Variants in BBS9 observed in about 807,000 individuals in gnomAD.
BBS9 encodes Bardet-Biedl syndrome 9, also known as protein PTHB1.
BBS9 carries 89 observed loss-of-function variants against 117.7 expected under a neutral mutation model. That is an observed-to-expected ratio of 0.76 (90% CI 0.64 to 0.90). The LOEUF is 0.90. BBS9 is among the 40% of genes least tolerant of loss of function. BBS9 has a pLI of 0.00. For missense variants in BBS9, 982 were observed against 1,042.2 expected, an observed-to-expected ratio of 0.94 and a Z score of 0.80; for synonymous variants, 379 against 370.9, an observed-to-expected ratio of 1.02 and a Z score of -0.25.
At chr7:33,315,458 A>G (rs1334552384) in intron 9 of BBS9, among the ~76,000 whole-genome samples, 2 of 152,166 alleles carry the variant, frequency 1.3e-5, no homozygotes, top group Admixed American at 6.6e-5. Context: ...GCAAGCCACA[A>G]AGTCAGTCCA....
intron 19 of BBS9, among the ~76,000 whole-genome samples, chr7:33,399,119 G>C (rs1354633414): frequency 6.6e-6 from 1 of 152,182 alleles, no homozygotes; most frequent in Non-Finnish European, 1.5e-5. Context: ...CACATTTCAA[G>C]TGTGAATTAG....
intron 9 of BBS9, among the ~76,000 whole-genome samples, chr7:33,275,679 T>C (rs1307092648): frequency 6.6e-6 from 1 of 152,188 alleles, no homozygotes; most frequent in Non-Finnish European, 1.5e-5. Context: ...AGGAGAATGA[T>C]GGGTAGAAAG....
chr7:33,526,444 A>G lies in BBS9; in HGVS notation c.2299-7510A>G, dbSNP rs1005024327. Among the ~76,000 whole-genome samples the G allele has an allele frequency of 7.9e-5, 12 of 151,932 alleles. No individual in the cohort carries two copies. In the East Asian group the frequency reaches 1.6e-3, roughly 20 times the overall value. ...CCCATATTTCTTGGAGGCTTTGCTC[A>G]TTTCTTTTTATTCTTTTTTCTCTAA... On this transcript the variant is annotated intron_variant, in intron 20 of 22. Coordinates refer to ENST00000242067, the MANE Select transcript of BBS9 (RefSeq NM_198428.3).
intron 21 of BBS9, among the ~76,000 whole-genome samples, chr7:33,619,554 A>G (rs142511959): frequency 6.6e-6 from 1 of 152,278 alleles, no homozygotes; most frequent in African/African-American, 2.4e-5. Flanking sequence ...AGCAGAACGC[A>G]TGATATTTTT....
At chr7:33,572,041 A>G (rs538671161) in intron 21 of BBS9, among the ~76,000 whole-genome samples, 2 of 152,030 alleles carry the variant, frequency 1.3e-5, no homozygotes, top group South Asian at 4.1e-4. Flanking sequence ...TATTCCCTGT[A>G]TCTAGTTGTA....
chr7:33,596,519 G>C (rs1374445699), intron 21 of BBS9, among the ~76,000 whole-genome samples: 1 of 151,970 alleles, frequency 6.6e-6, no homozygotes. Flanking sequence ...GAAGAAGAGA[G>C]GTCATGGAGG....
rs1012202455 is a variant in BBS9, at chr7:33,443,025, G to T, written c.2115+54881G>T. 4.6e-5 allele frequency among the ~76,000 whole-genome samples: 7 copies of T among 152,260 alleles called. 1 individual carries two copies. In the South Asian group the frequency reaches 1.5e-3, roughly 32 times the overall value. On this transcript the variant is annotated intron_variant, in intron 19 of 22. Transcript: ENST00000242067. ...TTTTTATGACTGGCTTATGGAATCG[G>T]TCTCATTATTGTACTGTCACACCTT...
At chr7:33,516,209 G>C (rs972400687) in intron 20 of BBS9, among the ~76,000 whole-genome samples, 1 of 152,144 alleles carries the variant, frequency 6.6e-6, no homozygotes, top group African/African-American at 2.4e-5. Context: ...ATGGAACATA[G>C]GCCGGGCGCG....
chr7:33,472,717 TG>T (rs1841224711), intron 19 of BBS9, among the ~76,000 whole-genome samples: 2 of 152,220 alleles, frequency 1.3e-5, no homozygotes, highest in South Asian at 4.1e-4. Context: ...TTGGGCCAAA[TG>T]GCTTCTTTTT....
chr7:33,319,162 CA>C (rs766634541), intron 9 of BBS9, among the ~76,000 whole-genome samples: 468 of 126,830 alleles, frequency 3.7e-3, no homozygotes, highest in Admixed American at 3.2e-3. Context: ...GACTCTATGT[CA>C]AAAAAAAAAA....
chr7:33,316,416 G>A (rs1332977372), intron 9 of BBS9, among the ~76,000 whole-genome samples: 5 of 117,458 alleles, frequency 4.3e-5, no homozygotes, highest in Non-Finnish European at 8.8e-5. Context: ...AAATGATGAG[G>A]AGAAGATTTG....
chr7:33,143,765 A>G (rs955326342), intron 1 of BBS9, among the ~76,000 whole-genome samples: 2 of 151,196 alleles, frequency 1.3e-5, no homozygotes, highest in East Asian at 2.0e-4. Context: ...AGGTTTCACT[A>G]TGTTGGCCAG....
At chr7:33,228,187 C>G (rs1052768260) in intron 5 of BBS9, among the ~76,000 whole-genome samples, 2 of 151,864 alleles carry the variant, frequency 1.3e-5, no homozygotes, top group African/African-American at 4.8e-5. Flanking sequence ...AAATAAGGTG[C>G]TATATCTCAT....
chr7:33,521,729 A>T (rs897307090), intron 20 of BBS9, among the ~76,000 whole-genome samples: 9 of 151,732 alleles, frequency 5.9e-5, no homozygotes, highest in African/African-American at 1.9e-4. Flanking sequence ...TTTACATTCA[A>T]AGGGCTGTTT....
intron 4 of BBS9, among the ~76,000 whole-genome samples, chr7:33,175,698 T>C (rs1177249090): frequency 2.6e-5 from 4 of 152,110 alleles, no homozygotes; most frequent in Admixed American, 2.0e-4. Flanking sequence ...TTGGCCAGGC[T>C]GAGAAAGGCA....
intron 19 of BBS9, among the ~76,000 whole-genome samples, chr7:33,409,805 C>G (rs763291011): frequency 2.6e-5 from 4 of 152,046 alleles, no homozygotes; most frequent in Non-Finnish European, 5.9e-5. Context: ...ATTTTTTGAT[C>G]AAATTTACCA....
At chr7:33,252,246 T>A (rs541284911) in intron 5 of BBS9, among the ~76,000 whole-genome samples, 1 of 152,276 alleles carries the variant, frequency 6.6e-6, no homozygotes, top group East Asian at 1.9e-4. Context: ...CGTGATCCAA[T>A]TACCTCCCTC....
At chr7:33,619,359 A>C (rs925949065) in intron 21 of BBS9, among the ~76,000 whole-genome samples, 6 of 152,206 alleles carry the variant, frequency 3.9e-5, no homozygotes, top group Non-Finnish European at 5.9e-5. Context: ...ATACATAAAG[A>C]AAATATTAAT....
At chr7:33,550,779 A>G (rs1167936276) in intron 21 of BBS9, among the ~76,000 whole-genome samples, 1 of 152,196 alleles carries the variant, frequency 6.6e-6, no homozygotes, top group Non-Finnish European at 1.5e-5. Flanking sequence ...AAAAACAATT[A>G]TCTTGTTCCT....
Sources: gnomAD v4.1 joint callset for allele counts (sites outside exome capture counted in the v4.1 genomes callset) on GRCh38, gnomAD v4.1.1 for gene constraint, MANE v1.5 for transcripts, NCBI Gene and HGNC (gene_info 2026-07-23, HGNC 2026-07-21) for gene names.